The following ASIC2 variants were observed in gnomAD, a reference collection of about 807,000 sequenced individuals.
ASIC2 encodes the protein acid sensing ion channel subunit 2.
A neutral mutation model predicts 57.3 loss-of-function variants in ASIC2; 25 were observed. The ratio of observed to expected loss-of-function variants is 0.44; its 90% CI spans 0.32 to 0.61. The LOEUF (loss-of-function observed/expected upper bound fraction) is 0.61, where lower values mean the gene tolerates loss of function less well. Ranked by LOEUF, ASIC2 falls within the 20% of genes least tolerant of loss-of-function variation. The probability of loss-of-function intolerance (pLI) is 0.06; values close to 1 mark genes in which losing one functional copy is unlikely to be tolerated. For synonymous variants in ASIC2, 319 were observed against 307.5 expected (o/e 1.04, Z -0.39); for missense variants, 641 against 738.1 (o/e 0.87, Z 1.52).
At chr17:33,440,481 C>T (rs1911786099) in intron 1 of ASIC2, among the ~76,000 whole-genome samples, 2 of 152,224 alleles carry the variant, frequency 1.3e-5, no homozygotes, top group South Asian at 4.1e-4. Context: ...GGGTAGATAC[C>T]TAGAAATTGC....
At chr17:33,146,962 T>G (rs1239306534) in intron 1 of ASIC2, among the ~76,000 whole-genome samples, 1 of 152,192 alleles carries the variant, frequency 6.6e-6, no homozygotes, top group Non-Finnish European at 1.5e-5. Context: ...TCAAACTGAG[T>G]AATTCTATTT....
At chr17:33,851,648 TG>T (rs1475445357) in intron 1 of ASIC2, among the ~76,000 whole-genome samples, 1 of 152,204 alleles carries the variant, frequency 6.6e-6, no homozygotes, top group Admixed American at 6.5e-5. Flanking sequence ...ACTTTGTTGT[TG>T]GGGGATGTCT....
intron 1 of ASIC2, among the ~76,000 whole-genome samples, chr17:33,191,105 T>A (rs57256673): frequency 0.26 from 39,910 of 151,954 alleles, 7,566 homozygotes; most frequent in African/African-American, 0.52. Flanking sequence ...AAGATTTTTT[T>A]AAAATGGTAT....
intron 1 of ASIC2, among the ~76,000 whole-genome samples, chr17:34,030,067 C>G (rs374371577): frequency 1.3e-5 from 2 of 152,196 alleles, no homozygotes; most frequent in African/African-American, 2.4e-5. Context: ...ACAACTACCC[C>G]CTACTACTAG....
chr17:33,147,401 G>T (rs1404273196), intron 1 of ASIC2, among the ~76,000 whole-genome samples: 2 of 152,176 alleles, frequency 1.3e-5, no homozygotes, highest in African/African-American at 4.8e-5. Flanking sequence ...CATCATACAA[G>T]TTCAGCTGGT....
At chr17:33,102,512 A>G (rs1425173719) in intron 2 of ASIC2, among the ~76,000 whole-genome samples, 2 of 152,138 alleles carry the variant, frequency 1.3e-5, no homozygotes, top group African/African-American at 4.8e-5. Context: ...CATCTGGACA[A>G]TCATGTAGTT....
intron 1 of ASIC2, among the ~76,000 whole-genome samples, chr17:33,407,216 A>G (rs2141962365): frequency 6.6e-6 from 1 of 152,344 alleles, no homozygotes; most frequent in South Asian, 2.1e-4. Context: ...CTCTAAGAAA[A>G]TCATCTTGGA....
At chr17:33,110,290 G>A (rs975597460) in intron 2 of ASIC2, among the ~76,000 whole-genome samples, 4 of 152,138 alleles carry the variant, frequency 2.6e-5, no homozygotes, top group African/African-American at 4.8e-5. Flanking sequence ...CCACCCCCTG[G>A]ACTCCGGGTT....
chr17:34,006,455 G>C (rs769218095), intron 1 of ASIC2: 11 of 152,190 alleles, frequency 7.2e-5, no homozygotes, highest in Non-Finnish European at 1.6e-4. Flanking sequence ...TTTAAGCTGG[G>C]AAGTGACATG....
chr17:33,401,017 C>T (rs1384415725), intron 1 of ASIC2, among the ~76,000 whole-genome samples: 1 of 152,172 alleles, frequency 6.6e-6, no homozygotes, highest in East Asian at 1.9e-4. Context: ...GATGCCATAT[C>T]GTCGTCACTC....
At chr17:33,480,996 A>C (rs1913386019) in intron 1 of ASIC2, among the ~76,000 whole-genome samples, 1 of 152,260 alleles carries the variant, frequency 6.6e-6, no homozygotes, top group Admixed American at 6.5e-5. Context: ...TCTGTCACCC[A>C]GTTTTTAATT....
At chr17:33,981,159 C>T (rs779906724) in intron 1 of ASIC2, among the ~76,000 whole-genome samples, 65 of 152,018 alleles carry the variant, frequency 4.3e-4, no homozygotes, top group Non-Finnish European at 6.5e-4. Flanking sequence ...ACCATGTTGG[C>T]CAGGATGATC....
chr17:33,118,027 A>C (rs1212972491), intron 1 of ASIC2, among the ~76,000 whole-genome samples: 2 of 152,180 alleles, frequency 1.3e-5, no homozygotes, highest in Non-Finnish European at 2.9e-5. Context: ...AGGGTAGCCA[A>C]TGGGATTCCT....
chr17:33,568,595 T>A (rs1417970156), intron 1 of ASIC2, among the ~76,000 whole-genome samples: 1 of 152,120 alleles, frequency 6.6e-6, no homozygotes, highest in Non-Finnish European at 1.5e-5. Context: ...TCGAGCAGAG[T>A]TAATCATTCA....
intron 1 of ASIC2, among the ~76,000 whole-genome samples, chr17:33,757,195 A>T (rs1567707732): frequency 6.6e-6 from 1 of 152,206 alleles, no homozygotes; most frequent in Admixed American, 6.5e-5. Flanking sequence ...GAGAACGAGG[A>T]GTGAGATTCT....
At chr17:34,130,177 C>G (rs996363623) in intron 1 of ASIC2, among the ~76,000 whole-genome samples, 2 of 152,194 alleles carry the variant, frequency 1.3e-5, no homozygotes, top group African/African-American at 4.8e-5. Flanking sequence ...TCTGACTGAG[C>G]CTGTCACACA....
In ASIC2 at chr17:33,774,996, A is replaced by G. The variant is rs112157712; in HGVS notation, c.555+380982T>C. On this transcript the variant is annotated intron_variant, in intron 1 of 9. Transcript: ENST00000359872. ...GCAACAGTCCCTAGTAGTTTAATCCAGGAGGACAGAGTATCCAAAAGAGAC... is the reference window on the plus strand; with the variant it reads ...GCAACAGTCCCTAGTAGTTTAATCCGGGAGGACAGAGTATCCAAAAGAGAC... 3.2e-4 allele frequency among the ~76,000 whole-genome samples: 48 copies of G among 152,340 alleles called. 2 individuals are homozygous for G. The highest frequency in any genetic ancestry group is 1.2e-3 in the African/African-American group (48 of 41,590).
intron 1 of ASIC2, among the ~76,000 whole-genome samples, chr17:34,085,740 T>C (rs1233098365): frequency 1.3e-5 from 2 of 152,146 alleles, no homozygotes; most frequent in African/African-American, 4.8e-5. Flanking sequence ...TATTCAGAGA[T>C]TCAACTTCTT....
At chr17:33,184,139 G>A (rs1906094988) in intron 1 of ASIC2, among the ~76,000 whole-genome samples, 1 of 152,102 alleles carries the variant, frequency 6.6e-6, no homozygotes, top group Admixed American at 6.5e-5. Flanking sequence ...AGGAACTAAT[G>A]TTTCAGGAGG....
Sources: gnomAD v4.1 joint callset for allele counts (sites outside exome capture counted in the v4.1 genomes callset) on GRCh38, gnomAD v4.1.1 for gene constraint, MANE v1.5 for transcripts, NCBI Gene and HGNC (gene_info 2026-07-23, HGNC 2026-07-21) for gene names.